Variants in ZIC4 observed in about 807,000 individuals in gnomAD.
The protein encoded by ZIC4 is zinc finger protein ZIC 4.
A neutral mutation model predicts 28.8 loss-of-function variants in ZIC4; 15 were observed. The observed-to-expected ratio is 0.52, with a 90% CI of 0.35 to 0.80. ZIC4 has a LOEUF of 0.80. Among genes scored for constraint, ZIC4 ranks in the 30% least tolerant of loss-of-function variants. The probability of loss-of-function intolerance (pLI) is 0.01; values close to 1 mark genes in which losing one functional copy is unlikely to be tolerated. For missense variants in ZIC4, 512 were observed against 467.1 expected (o/e 1.10, Z -0.89); for synonymous variants, 220 against 198.1 (o/e 1.11, Z -0.93).
chr3:147,391,005 C>G lies in ZIC4; in HGVS notation c.930G>C (p.Ser310=), dbSNP rs768013509. The G allele has an allele frequency of 1.2e-6, 2 of 1,613,236 alleles. No homozygotes were observed. Among genetic ancestry groups the G allele is most frequent in the Admixed American group, 3.3e-5 (2 of 59,990 alleles). ...CCTGGGACTTGTGGCCGCAGTCCGACGAGGGCGACACGAGGGCAGACGGTG... is the reference window on the plus strand; with the variant it reads ...CCTGGGACTTGTGGCCGCAGTCCGAGGAGGGCGACACGAGGGCAGACGGTG... The part of the protein sequence containing the change: ...SATPSALVSP[S]SDCGHKSQVA... The change falls in exon 4 of 5, where the codon TCG becomes TCC. Residue 310 remains serine, a synonymous_variant. Coordinates refer to ENST00000383075, the MANE Select transcript of ZIC4 (RefSeq NM_032153.6).
chr3:147,390,468 C>G (rs138946065), intron 4 of ZIC4, among the ~76,000 whole-genome samples: 269 of 152,260 alleles, frequency 1.8e-3, no homozygotes, highest in African/African-American at 6.2e-3. Flanking sequence ...TTCTGCGAAG[C>G]ATGCGGGAAA....
chr3:147,397,993 G>A (rs933639220), intron 2 of ZIC4, among the ~76,000 whole-genome samples: 2 of 152,032 alleles, frequency 1.3e-5, no homozygotes, highest in Non-Finnish European at 2.9e-5. Context: ...GAAACTCAAG[G>A]ATCTGGCCCT....
intron 3 of ZIC4, 112 bp from the exon 4 acceptor site, chr3:147,391,358 T>C (rs2086914166): frequency 3.7e-6 from 5 of 1,341,916 alleles, no homozygotes; most frequent in Non-Finnish European, 5.0e-6. Context: ...CAAAATATTT[T>C]CAGAAATCCC....
chr3:147,402,085 A>G (rs2087173848), intron 2 of ZIC4, among the ~76,000 whole-genome samples: 1 of 152,318 alleles, frequency 6.6e-6, no homozygotes, highest in East Asian at 1.9e-4. Flanking sequence ...ATATAGTTGA[A>G]ATGAGGAAAA....
chr3:147,391,655 T>A (rs1167154103), intron 3 of ZIC4: 1 of 162,600 alleles, frequency 6.2e-6, no homozygotes, highest in Admixed American at 6.4e-5. Flanking sequence ...AGCTCACATC[T>A]GCTCGATTTA....
intron 2 of ZIC4, among the ~76,000 whole-genome samples, chr3:147,397,862 A>C (rs1330802144): frequency 6.6e-6 from 1 of 151,796 alleles, no homozygotes; most frequent in African/African-American, 2.4e-5. Flanking sequence ...TATTTTCCCC[A>C]AAACGTCTAC....
chr3:147,403,969 C>T (rs2087221345), intron 1 of ZIC4: 5 of 1,536,792 alleles, frequency 3.3e-6, no homozygotes, highest in Non-Finnish European at 4.4e-6. Flanking sequence ...CTCACCTTTT[C>T]CCAGAGGGTA....
intron 3 of ZIC4, chr3:147,393,975 C>A (rs1357923663): frequency 2.2e-6 from 1 of 456,430 alleles, no homozygotes; most frequent in South Asian, 1.6e-5. Flanking sequence ...GAGAAATTTG[C>A]TCCTGTTTGC....
intron 1 of ZIC4, chr3:147,404,357 AG>A: frequency 5.0e-6 from 6 of 1,195,378 alleles, no homozygotes; most frequent in Non-Finnish European, 5.2e-6. Flanking sequence ...AGATTGGACT[AG>A]GGCAGGCAAC....
At chr3:147,404,390 G>T in intron 1 of ZIC4, 1 of 907,878 alleles carries the variant, frequency 1.1e-6, no homozygotes, top group South Asian at 4.1e-5. Context: ...GAGGCTCTCT[G>T]TAGCGTTTCC....
At position 147,387,474 on chromosome 3, in the gene ZIC4, A is replaced by T. The variant is rs969390449; in HGVS notation, c.*1385T>A. The stretch of plus-strand genomic sequence containing the variant: ...TTCAAAGATTTCTCAGCTCAATAGA[A>T]AGCGGACCATCCTTTTTATTCAACC... On this transcript the variant is annotated 3_prime_UTR_variant, in exon 5 of 5. Coordinates refer to ENST00000383075, the MANE Select transcript of ZIC4 (RefSeq NM_032153.6). The T allele has an allele frequency of 5.2e-5, 8 of 152,648 alleles. No individual in the cohort carries two copies. The highest frequency in any genetic ancestry group is 1.9e-4 in the African/African-American group (8 of 41,440). 9.5% of individuals were successfully genotyped at this position (152,648 alleles called of 1,614,324 possible).
In ZIC4 at chr3:147,388,461, G is replaced by A. The variant is rs1057211752; in HGVS notation, c.*398C>T. Reference sequence around the variant, plus strand: ...GCAGAAAGCAGAAACAAAGGGGGCTGAGCGGCGATTCAAGCGGCTCTTTTC... The same window carrying A: ...GCAGAAAGCAGAAACAAAGGGGGCTAAGCGGCGATTCAAGCGGCTCTTTTC... On this transcript the variant is annotated 3_prime_UTR_variant, in exon 5 of 5. Coordinates refer to ENST00000383075, the MANE Select transcript of ZIC4 (RefSeq NM_032153.6). The A allele has an allele frequency of 8.4e-5, 19 of 226,444 alleles. No individual in the cohort carries two copies. The highest frequency in any genetic ancestry group is 4.3e-4 in the African/African-American group (19 of 44,310). The allele number at this position is 226,444 out of a possible 1,614,324, so 14.0% of individuals were successfully genotyped here. A position where few individuals can be genotyped will look rare whatever the true frequency, so the allele number is the denominator to read the frequency against.
chr3:147,391,483 G>T, intron 3 of ZIC4: 1 of 443,180 alleles, frequency 2.3e-6, no homozygotes, highest in Non-Finnish European at 4.0e-6. Context: ...CATGGGGAGG[G>T]TATGGAGGAG....
intron 4 of ZIC4, 45 bp downstream of exon 4, chr3:147,390,886 G>A: frequency 6.4e-7 from 1 of 1,554,240 alleles, no homozygotes; most frequent in Non-Finnish European, 8.7e-7. Context: ...GCTGAGGATC[G>A]CGGCGGGGGC....
chr3:147,402,218 G>GAC (rs1402489462), intron 2 of ZIC4, among the ~76,000 whole-genome samples: 1 of 152,212 alleles, frequency 6.6e-6, no homozygotes, highest in Non-Finnish European at 1.5e-5. Context: ...TCCCTGTTCA[G>GAC]ACACCACATT....
intron 3 of ZIC4, chr3:147,392,374 C>G (rs1463416661): frequency 3.0e-6 from 3 of 985,368 alleles, no homozygotes; most frequent in Non-Finnish European, 3.6e-6. Flanking sequence ...CGCGAGTGCA[C>G]GTTAGAGTGA....
chr3:147,405,209 C>T (rs990763084), intron 1 of ZIC4, among the ~76,000 whole-genome samples: 2 of 152,106 alleles, frequency 1.3e-5, no homozygotes, highest in African/African-American at 2.4e-5. Context: ...ATCCGGGTGC[C>T]CAGAATAGAG....
At position 147,403,554 on chromosome 3, in the gene ZIC4, T is replaced by C. The variant is rs188857936; in HGVS notation, c.-15-742A>G. Reference sequence around the variant, plus strand: ...CTTTGTGACTAAAGTTACCAAGCCATTGGCCGCCTTAAATACTTAAAGCCA... The same window carrying C: ...CTTTGTGACTAAAGTTACCAAGCCACTGGCCGCCTTAAATACTTAAAGCCA... On this transcript the variant is annotated intron_variant, in intron 1 of 4. Transcript: ENST00000383075. 18 of 159,618 alleles carry C rather than the reference T, an allele frequency of 1.1e-4. No individual in the cohort carries two copies. In the East Asian group the frequency reaches 3.3e-3, roughly 29 times the overall value. 9.9% of individuals were successfully genotyped at this position (159,618 alleles called of 1,614,324 possible). A position where few individuals can be genotyped will look rare whatever the true frequency, so the allele number is the denominator to read the frequency against.
At chr3:147,395,701 A>G (rs1576459343) in intron 3 of ZIC4, 151 bp downstream of exon 3, 1 of 1,268,916 alleles carries the variant, frequency 7.9e-7, no homozygotes, top group Non-Finnish European at 1.1e-6. Context: ...TTCTAAGAAT[A>G]GAAGCGCATA....
Sources: allele counts gnomAD v4.1 joint callset (sites outside exome capture counted in the v4.1 genomes callset), GRCh38; gene constraint gnomAD v4.1.1; transcripts MANE v1.5; gene names NCBI Gene and HGNC (gene_info 2026-07-23, HGNC 2026-07-21).